Variants in SIGLEC12 observed in about 807,000 individuals in gnomAD.
The protein encoded by SIGLEC12 is sialic acid binding Ig like lectin 12, also known as sialic acid-binding Ig-like lectin 12.
Under a neutral mutation model 54.1 loss-of-function variants are expected in SIGLEC12, and 43 were observed. The observed-to-expected ratio is 0.80, with a 90% CI of 0.62 to 1.03. The LOEUF (loss-of-function observed/expected upper bound fraction) is 1.03, where lower values mean the gene tolerates loss of function less well. Ranked by LOEUF, SIGLEC12 falls within the 50% of genes least tolerant of loss-of-function variation. The pLI is 0.00. For synonymous variants in SIGLEC12, 357 were observed against 307.6 expected (o/e 1.16, Z -1.68); for missense variants, 802 against 735.2 (o/e 1.09, Z -1.05).
intron 7 of SIGLEC12, among the ~76,000 whole-genome samples, chr19:51,493,750 C>G (rs1257378625): frequency 6.6e-6 from 1 of 152,192 alleles, no homozygotes; most frequent in African/African-American, 2.4e-5. Context: ...CCACCACTGC[C>G]ATCTTGGTTC....
intron 7 of SIGLEC12, among the ~76,000 whole-genome samples, chr19:51,496,411 G>A (rs896299708): frequency 3.3e-5 from 5 of 152,174 alleles, no homozygotes; most frequent in Admixed American, 2.0e-4. Context: ...GTTGTGGTGA[G>A]CTGAGATCGC....
intron 4 of SIGLEC12, 43 bp from the exon 5 acceptor site, chr19:51,498,330 C>A: frequency 1.3e-6 from 2 of 1,522,940 alleles, no homozygotes; most frequent in South Asian, 1.2e-5. Flanking sequence ...ACAAAGTGAT[C>A]GAGGCAGGGA....
At chr19:51,499,872 C>A (rs532353170) in intron 2 of SIGLEC12, 48 bp downstream of exon 2, 108 of 1,564,534 alleles carry the variant, frequency 6.9e-5, no homozygotes, top group Non-Finnish European at 8.5e-5. Context: ...CCCTACCCTG[C>A]GGCCCTCGGG....
intron 7 of SIGLEC12, among the ~76,000 whole-genome samples, chr19:51,493,287 C>T (rs377724492): frequency 6.6e-6 from 1 of 152,148 alleles, no homozygotes; most frequent in Non-Finnish European, 1.5e-5. Context: ...TCCATCTTAC[C>T]TTCTTGGCAG....
At position 51,496,876 on chromosome 19, in the gene SIGLEC12, T is replaced by C; in HGVS notation, c.1599+4A>G. The C allele has an allele frequency of 6.2e-7, 1 of 1,613,970 alleles. No homozygotes were observed. The highest frequency in any genetic ancestry group is 8.5e-7 in the Non-Finnish European group (1 of 1,179,872). On this transcript the variant is annotated splice_donor_region_variant and intron_variant, in intron 7 of 7. Coordinates refer to ENST00000291707, the MANE Select transcript of SIGLEC12 (RefSeq NM_053003.4). The stretch of plus-strand genomic sequence containing the variant: ...AGAAGGGCTGTGATTCAATGCTCAC[T>C]CACCTGAGAGGCTGAGCCCCTGACA...
At chr19:51,495,732 G>A (rs60669475) in intron 7 of SIGLEC12, among the ~76,000 whole-genome samples, 17,555 of 152,100 alleles carry the variant, frequency 0.12, 1,117 homozygotes, top group Middle Eastern at 0.25. Flanking sequence ...CAGATGGGTC[G>A]CTGGCATCTT....
intron 1 of SIGLEC12, among the ~76,000 whole-genome samples, chr19:51,500,959 G>T (rs916382243): frequency 2.8e-4 from 43 of 152,168 alleles, no homozygotes; most frequent in African/African-American, 1.0e-3. Context: ...CATGGGTGGG[G>T]TGGGTGCTTC....
chr19:51,500,396 G>C, intron 1 of SIGLEC12, 96 bp from the exon 2 acceptor site: 1 of 1,601,546 alleles, frequency 6.2e-7, no homozygotes, highest in East Asian at 2.3e-5. Context: ...GGCTTCCTGG[G>C]CTCCCTGTGT....
chr19:51,492,395 C>T (rs190073579), intron 7 of SIGLEC12, among the ~76,000 whole-genome samples: 68 of 152,296 alleles, frequency 4.5e-4, no homozygotes, highest in African/African-American at 1.5e-3. Flanking sequence ...AGACGTGGCA[C>T]CTGCCCTTGA....
chr19:51,501,751 C>T lies in SIGLEC12; in HGVS notation c.-18G>A. On this transcript the variant is annotated 5_prime_UTR_variant, in exon 1 of 8. Transcript: ENST00000291707. ...AGTAGCATGTGTCGGGTTGGAGGTG[C>T]CAGGGTTGCTGAGGTAAGTCTGTTC... 4 of 1,580,290 alleles carry T rather than the reference C, an allele frequency of 2.5e-6. No homozygotes were observed. Among genetic ancestry groups the T allele is most frequent in the Non-Finnish European group, 2.6e-6 (3 of 1,160,578 alleles).
At chr19:51,497,321 G>A (rs1295825386) in intron 6 of SIGLEC12, 28 bp downstream of exon 6, 1 of 1,593,268 alleles carries the variant, frequency 6.3e-7, no homozygotes, top group Non-Finnish European at 8.6e-7. Flanking sequence ...CTCCCCCAAG[G>A]CTCTTCCTCC....
At chr19:51,492,037 C>A (rs1198622681) in intron 7 of SIGLEC12, among the ~76,000 whole-genome samples, 1 of 152,152 alleles carries the variant, frequency 6.6e-6, no homozygotes, top group Non-Finnish European at 1.5e-5. Flanking sequence ...AACAACAATT[C>A]CATAGTAAGA....
Position 51,501,521 on chromosome 19 carries a change from G to A in SIGLEC12, c.213C>T (p.Ser71=). ...GYWFRAGDHV[S]RNIPVATNNP... is the part of the protein sequence containing the mutation. ...TGTTTGTGGCCACTGGAATGTTCCG[G>A]CTTACATGGTCCCCTGCCCGGAACC... The change falls in exon 1 of 8, where the codon AGC becomes AGT. Residue 71 remains serine, a synonymous_variant. Transcript: ENST00000291707. 1 of 1,571,484 alleles carries A rather than the reference G, an allele frequency of 6.4e-7. No individual in the cohort carries two copies. Among genetic ancestry groups the A allele is most frequent in the Non-Finnish European group, 8.6e-7 (1 of 1,161,236 alleles).
At position 51,501,526 on chromosome 19, in the gene SIGLEC12, C is replaced by G. The variant is rs541963042; in HGVS notation, c.208G>C (p.Val70Leu). 1 of 1,554,048 alleles carries G rather than the reference C, an allele frequency of 6.4e-7. No individual in the cohort carries two copies. Among genetic ancestry groups the G allele is most frequent in the Non-Finnish European group, 8.7e-7 (1 of 1,151,626 alleles). The change falls in exon 1 of 8, where the codon GTA (valine) becomes CTA (leucine). Residue 70 changes from valine to leucine, a missense_variant. By Grantham distance (32) the Val-to-Leu change is conservative (BLOSUM62 1). Transcript: ENST00000291707. ...GTGGCCACTGGAATGTTCCGGCTTA[C>G]ATGGTCCCCTGCCCGGAACCAGTAG... is the stretch of plus-strand genomic sequence containing the variant. Reference protein sequence around the residue: ...HGYWFRAGDHVSRNIPVATNN... With the variant: ...HGYWFRAGDHLSRNIPVATNN...
chr19:51,500,204 TA>T lies in SIGLEC12; in HGVS notation c.523del (p.Tyr175ThrfsTer59). The T allele has an allele frequency of 6.2e-7, 1 of 1,613,776 alleles. No homozygotes were observed. The highest frequency in any genetic ancestry group is 8.5e-7 in the Non-Finnish European group (1 of 1,179,932). ...LCVSVPCSVL[Y>X]PHYNWTASSP... is the part of the protein sequence containing the mutation. ...AGAGGCAGTCCAGTTGTAATGGGGG[TA>T]AAGGACACTGCAGGGCACAGAGACA... On this transcript the variant is annotated frameshift_variant, in exon 2 of 8. Coordinates refer to ENST00000291707, the MANE Select transcript of SIGLEC12 (RefSeq NM_053003.4). LOFTEE classifies it high-confidence loss of function.
chr19:51,499,712 C>G lies in SIGLEC12; in HGVS notation c.813G>C (p.Leu271=). ...YDKLSVHVTA[L]THMPTFSIPG... ...GGATGGAGAAGGTGGGCATGTGAGT[C>G]AGGGCTGGTGATGAAAGGGAGACAG... is the stretch of plus-strand genomic sequence containing the variant. Residue 271 remains leucine (L), a synonymous_variant, in exon 3 of 8, where the codon CTG becomes CTC. Coordinates refer to ENST00000291707, the MANE Select transcript of SIGLEC12 (RefSeq NM_053003.4). 6.2e-7 allele frequency: 1 copy of G among 1,613,814 alleles called. No individual in the cohort carries two copies. Among genetic ancestry groups the G allele is most frequent in the Non-Finnish European group, 8.5e-7 (1 of 1,179,894 alleles).
At chr19:51,497,277 G>T in intron 6 of SIGLEC12, 72 bp downstream of exon 6, 1 of 1,383,126 alleles carries the variant, frequency 7.2e-7, no homozygotes, top group Non-Finnish European at 1.0e-6. Context: ...GGTCCTTCCA[G>T]GTCTGGCTTC....
Position 51,501,454 on chromosome 19 carries a change from G to A in SIGLEC12, c.280C>T (p.His94Tyr), listed in dbSNP as rs1426292237. 9 of 1,614,092 alleles carry A rather than the reference G, an allele frequency of 5.6e-6. No homozygotes were observed. The highest frequency in any genetic ancestry group is 2.7e-5 in the African/African-American group (2 of 74,926). ...AVQEETRDRF[H>Y]LLGDPQNKDC... ...TTGTTCTGTGGGTCCCCAAGGAGGTGGAATCGGTCCCGAGTCTCCTCCTGC... is the reference window on the plus strand; with the variant it reads ...TTGTTCTGTGGGTCCCCAAGGAGGTAGAATCGGTCCCGAGTCTCCTCCTGC... Residue 94 changes from histidine (H) to tyrosine (Y), a missense_variant, in exon 1 of 8, where the codon CAC (histidine) becomes TAC (tyrosine). His to Tyr is a moderately conservative substitution (Grantham distance 83). Coordinates refer to ENST00000291707, the MANE Select transcript of SIGLEC12 (RefSeq NM_053003.4).
chr19:51,492,342 G>T (rs867889051), intron 7 of SIGLEC12, among the ~76,000 whole-genome samples: 3 of 152,218 alleles, frequency 2.0e-5, no homozygotes, highest in Admixed American at 6.5e-5. Flanking sequence ...GATAAGATGG[G>T]TAGGAAGAGG....
Sources: gnomAD v4.1 joint callset for allele counts (sites outside exome capture counted in the v4.1 genomes callset) on GRCh38, gnomAD v4.1.1 for gene constraint, MANE v1.5 for transcripts, NCBI Gene and HGNC (gene_info 2026-07-23, HGNC 2026-07-21) for gene names.